The following DNA2 variants were observed in gnomAD, a reference collection of about 807,000 sequenced individuals.
DNA2 encodes DNA replication helicase/nuclease 2, also known as DNA replication ATP-dependent helicase/nuclease DNA2.
A neutral mutation model predicts 119.1 loss-of-function variants in DNA2; 101 were observed. That is an observed-to-expected ratio of 0.85 (90% CI 0.72 to 1.00). The LOEUF is 1.00. DNA2 is among the 50% of genes least tolerant of loss of function. The pLI, the probability that DNA2 is intolerant of heterozygous loss-of-function variation, is 0.00. For synonymous variants in DNA2, 366 were observed against 424.4 expected, an observed-to-expected ratio of 0.86 and a Z score of 1.69; for missense variants, 1,121 against 1,255.5, an observed-to-expected ratio of 0.89 and a Z score of 1.62.
chr10:68,414,967 A>G lies in DNA2; in HGVS notation c.*72T>C. ...ATACTGCATTAAATTTTGTATGGTG[A>G]TAGAATTTTCTGTATGGGCACTAGC... On this transcript the variant is annotated 3_prime_UTR_variant, in exon 21 of 21. Coordinates refer to ENST00000358410, the MANE Select transcript of DNA2 (RefSeq NM_001080449.3). 1.1e-6 allele frequency: 1 copy of G among 951,402 alleles called. No individual in the cohort carries two copies. Among genetic ancestry groups the G allele is most frequent in the Non-Finnish European group, 1.6e-6 (1 of 630,238 alleles). The allele number at this position is 951,402 out of a possible 1,614,324, so 58.9% of individuals were successfully genotyped here.
Position 68,464,581 on chromosome 10 carries a change from C to A in DNA2, c.587+1086G>T, listed in dbSNP as rs571693671. ...GGGCGCAGTGGCTCACGCCTGTAAT[C>A]CCAGCACTGTGGGAGGCCGAGGCAG... On this transcript the variant is annotated intron_variant, in intron 4 of 20. Coordinates refer to ENST00000358410, the MANE Select transcript of DNA2 (RefSeq NM_001080449.3). 7.2e-5 allele frequency among the ~76,000 whole-genome samples: 11 copies of A among 152,048 alleles called. No individual in the cohort carries two copies. In the South Asian group the frequency reaches 2.3e-3, roughly 32 times the overall value.
chr10:68,444,401 A>C (rs1386509018), intron 8 of DNA2, among the ~76,000 whole-genome samples: 1 of 150,342 alleles, frequency 6.7e-6, no homozygotes, highest in African/African-American at 2.5e-5. Context: ...AAAATAAATA[A>C]ATAAATAAAA....
rs553267438 is a variant in DNA2 at position 68,414,917 on chromosome 10, G to A, written c.*122C>T. 1.6e-5 allele frequency: 9 copies of A among 563,124 alleles called. No individual in the cohort carries two copies. Among genetic ancestry groups the A allele is most frequent in the South Asian group, 4.5e-5 (1 of 22,316 alleles). 34.9% of individuals were successfully genotyped at this position (563,124 alleles called of 1,614,324 possible). On this transcript the variant is annotated 3_prime_UTR_variant, in exon 21 of 21. Transcript: ENST00000358410. ...TAAATTCAGACTTTTCACAGTTTTC[G>A]GTACACCTGTGCTTTAAAACATAAA...
At chr10:68,424,807 A>G (rs2051715668) in intron 14 of DNA2, 2 of 1,084,300 alleles carry the variant, frequency 1.8e-6, no homozygotes, top group Non-Finnish European at 2.9e-6. Flanking sequence ...ATCTACACTG[A>G]GCAGGTGCAG....
At chr10:68,468,353 T>C in intron 2 of DNA2, 47 bp from the exon 3 acceptor site, 1 of 1,298,126 alleles carries the variant, frequency 7.7e-7, no homozygotes, top group Non-Finnish European at 1.0e-6. Flanking sequence ...CTTAGGTTCC[T>C]ACATGTAAAC....
At chr10:68,418,957 G>A (rs12218457) in intron 19 of DNA2, 77 bp downstream of exon 19, 1 of 1,378,690 alleles carries the variant, frequency 7.3e-7, no homozygotes, top group Non-Finnish European at 9.8e-7. Flanking sequence ...ACAGGTGTGA[G>A]CCACCGCGCC....
chr10:68,435,847 A>T (rs572477357), intron 10 of DNA2, among the ~76,000 whole-genome samples: 12 of 152,346 alleles, frequency 7.9e-5, no homozygotes, highest in African/African-American at 1.9e-4. Context: ...ATTTTTATTT[A>T]AAAAAGGAGA....
intron 19 of DNA2, among the ~76,000 whole-genome samples, chr10:68,417,915 T>A (rs1197990838): frequency 6.6e-6 from 1 of 152,108 alleles, no homozygotes; most frequent in Non-Finnish European, 1.5e-5. Context: ...AAAAGATAAA[T>A]GCTGTACGAT....
intron 7 of DNA2, 23 bp from the exon 8 acceptor site, chr10:68,445,106 C>A (rs964343494): frequency 6.4e-7 from 1 of 1,566,584 alleles, no homozygotes; most frequent in Non-Finnish European, 8.7e-7. Flanking sequence ...AGGTGAATGT[C>A]TTTTTAAGAG....
At position 68,416,748 on chromosome 10, in the gene DNA2, A is replaced by C. The variant is rs2051593971; in HGVS notation, c.3075T>G (p.Pro1025=). ...GCVPSLNCYP[P]LEKLLNHLNS... ...TTAAATGATTAAGCAGCTTCTCCAA[A>C]GGAGGATAGCAATTTAGTGAGGGCA... The change falls in exon 20 of 21, where the codon CCT becomes CCG. Residue 1025 remains proline, a synonymous_variant. Transcript: ENST00000358410. The C allele has an allele frequency of 6.2e-7, 1 of 1,613,894 alleles. No homozygotes were observed. Among genetic ancestry groups the C allele is most frequent in the East Asian group, 2.2e-5 (1 of 44,884 alleles).
chr10:68,469,872 C>T, intron 2 of DNA2, 109 bp downstream of exon 2: 3 of 983,552 alleles, frequency 3.1e-6, no homozygotes, highest in Middle Eastern at 6.0e-4. Flanking sequence ...ATCAAACCTA[C>T]TCCCTTTTAA....
chr10:68,456,881 T>A (rs1418151179), intron 5 of DNA2, among the ~76,000 whole-genome samples: 1 of 149,920 alleles, frequency 6.7e-6, no homozygotes, highest in East Asian at 2.0e-4. Context: ...ACGCCTGTAA[T>A]CCCAGCACTT....
chr10:68,471,996 A>G (rs199849991), upstream of DNA2: 1,901 of 1,610,122 alleles, frequency 1.2e-3, 3 homozygotes, highest in Non-Finnish European at 1.5e-3. Flanking sequence ...AGATGTCCCA[A>G]ATGACCTGCG....
chr10:68,451,975 A>C lies in DNA2; in HGVS notation c.720-1728T>G, dbSNP rs185483370. Among the ~76,000 whole-genome samples, 147 of 152,266 alleles carry C rather than the reference A, an allele frequency of 9.7e-4. 1 individual carries two copies. The highest frequency in any genetic ancestry group is 1.7e-3 in the Non-Finnish European group (119 of 68,018). On this transcript the variant is annotated intron_variant, in intron 5 of 20. Coordinates refer to ENST00000358410, the MANE Select transcript of DNA2 (RefSeq NM_001080449.3). ...AATAATTTTTTATAAAAAAAAAACT[A>C]TTCCAAGATGCTTCAAATATAATCT...
intron 14 of DNA2, 82 bp from the exon 15 acceptor site, chr10:68,422,972 T>C: frequency 9.2e-7 from 1 of 1,084,120 alleles, no homozygotes; most frequent in Non-Finnish European, 1.3e-6. Context: ...AATGAAAAGA[T>C]CAAAAGGTTT....
Position 68,419,886 on chromosome 10 carries a change from C to T in DNA2, c.2704G>A (p.Ala902Thr). The change falls in exon 18 of 21, where the codon GCG becomes ACG. Residue 902 changes from alanine (A) to threonine (T), a missense_variant. Transcript: ENST00000358410. ...CCACCTTTTTCAACTTGTTCTGGCG[C>T]TGGAACCTAAGTGGAAAAATATACA... ...VCFLNTDKVPAPEQVEKGGVS... is the reference protein window; with the variant it reads ...VCFLNTDKVPTPEQVEKGGVS... The T allele has an allele frequency of 6.2e-7, 1 of 1,613,736 alleles. No homozygotes were observed. Among genetic ancestry groups the T allele is most frequent in the Non-Finnish European group, 8.5e-7 (1 of 1,179,744 alleles).
At chr10:68,425,406 T>TC (rs1227597637) in intron 14 of DNA2, among the ~76,000 whole-genome samples, 2 of 134,992 alleles carry the variant, frequency 1.5e-5, no homozygotes, top group East Asian at 4.0e-4. Context: ...GTTTGTGTTC[T>TC]TTTTTTTTTT....
chr10:68,468,159 T>C lies in DNA2; in HGVS notation c.405A>G (p.Arg135=), dbSNP rs1337044096. ...ISGTSIASSI[R]CMRRAVLSET... ...CACTCAGGACAGCTCTTCTCATACATCGAATACTACTGGCTATGCTGGTGC... is the reference window on the plus strand; with the variant it reads ...CACTCAGGACAGCTCTTCTCATACACCGAATACTACTGGCTATGCTGGTGC... Residue 135 remains arginine, a synonymous_variant, in exon 3 of 21, where the codon CGA becomes CGG. Transcript: ENST00000358410. 6.2e-7 allele frequency: 1 copy of C among 1,607,204 alleles called. No individual in the cohort carries two copies. The highest frequency in any genetic ancestry group is 1.7e-5 in the Admixed American group (1 of 58,728).
intron 19 of DNA2, among the ~76,000 whole-genome samples, chr10:68,417,652 C>CAAA (rs575627007): frequency 1.8e-5 from 2 of 113,522 alleles, no homozygotes; most frequent in Non-Finnish European, 3.5e-5. Flanking sequence ...GATCTCATCT[C>CAAA]AAAAAAAAAA....
Sources: allele counts gnomAD v4.1 joint callset (sites outside exome capture counted in the v4.1 genomes callset), GRCh38; gene constraint gnomAD v4.1.1; transcripts MANE v1.5; gene names NCBI Gene and HGNC (gene_info 2026-07-23, HGNC 2026-07-21).